LPAR1: variants seen among roughly 807,000 people sequenced by gnomAD.
LPAR1 encodes the protein lysophosphatidic acid receptor 1.
Under a neutral mutation model 23.8 loss-of-function variants are expected in LPAR1, and 5 were observed. The observed-to-expected ratio is 0.21, with a 90% CI of 0.11 to 0.44. LPAR1 has a LOEUF of 0.44. Ranked by LOEUF, LPAR1 falls within the 20% of genes least tolerant of loss-of-function variation. The pLI is 0.99. For missense variants in LPAR1, 311 were observed against 482.8 expected, an observed-to-expected ratio of 0.64 and a Z score of 3.33; for synonymous variants, 160 against 164.7, an observed-to-expected ratio of 0.97 and a Z score of 0.22.
intron 2 of LPAR1, among the ~76,000 whole-genome samples, chr9:110,976,858 A>G (rs1017898134): frequency 3.9e-5 from 6 of 152,066 alleles, no homozygotes; most frequent in Non-Finnish European, 8.8e-5. Context: ...CCATTCCTTT[A>G]CAATCACTGG....
intron 4 of LPAR1, among the ~76,000 whole-genome samples, chr9:110,946,639 T>G (rs1430611575): frequency 6.6e-6 from 1 of 152,010 alleles, no homozygotes; most frequent in Non-Finnish European, 1.5e-5. Flanking sequence ...GTAGAGAAAG[T>G]GTATATAGTA....
At chr9:110,950,824 A>C (rs2095546472) in intron 4 of LPAR1, among the ~76,000 whole-genome samples, 1 of 152,200 alleles carries the variant, frequency 6.6e-6, no homozygotes, top group Admixed American at 6.5e-5. Context: ...TCAATATATA[A>C]ATTTAACATG....
chr9:110,908,143 T>G (rs1394607096), intron 5 of LPAR1, among the ~76,000 whole-genome samples: 1 of 151,900 alleles, frequency 6.6e-6, no homozygotes, highest in East Asian at 1.9e-4. Flanking sequence ...TATGCATATT[T>G]TAGGAACATT....
At position 110,990,404 on chromosome 9, in the gene LPAR1, G is replaced by C. The variant is rs138935471; in HGVS notation, c.-181-16846C>G. Among the ~76,000 whole-genome samples, 32 of 152,148 alleles carry C rather than the reference G, an allele frequency of 2.1e-4. No individual in the cohort carries two copies. In the East Asian group the frequency reaches 6.0e-3, roughly 28 times the overall value. On this transcript the variant is annotated intron_variant, in intron 2 of 5. Transcript: ENST00000683809. ...TTGAGTCATAAAAAGTCTGTTCTCT[G>C]ACCACACTTAAATTATCAATAACAG...
intron 2 of LPAR1, among the ~76,000 whole-genome samples, chr9:110,995,752 T>C (rs974353141): frequency 3.3e-5 from 5 of 152,122 alleles, no homozygotes; most frequent in Non-Finnish European, 7.3e-5. Context: ...AATCAGGAAG[T>C]GAAGCAAAGG....
chr9:110,957,499 T>C (rs1241382253), intron 4 of LPAR1, among the ~76,000 whole-genome samples: 2 of 152,008 alleles, frequency 1.3e-5, no homozygotes, highest in African/African-American at 2.4e-5. Context: ...CATATGACCA[T>C]CTCAATAGAT....
At chr9:110,995,574 G>C (rs1350171625) in intron 2 of LPAR1, among the ~76,000 whole-genome samples, 1 of 152,130 alleles carries the variant, frequency 6.6e-6, no homozygotes, top group Admixed American at 6.6e-5. Flanking sequence ...TATTGTACTA[G>C]AGGATGAATT....
intron 3 of LPAR1, among the ~76,000 whole-genome samples, chr9:110,972,966 A>G (rs570861774): frequency 2.6e-5 from 4 of 152,174 alleles, no homozygotes; most frequent in African/African-American, 9.6e-5. Flanking sequence ...AAAAAGAAAA[A>G]GAAAAAGAAA....
At chr9:110,927,411 T>C (rs552756800) in intron 5 of LPAR1, among the ~76,000 whole-genome samples, 1 of 152,126 alleles carries the variant, frequency 6.6e-6, no homozygotes, top group Non-Finnish European at 1.5e-5. Context: ...TTCAGAGAGA[T>C]TAAGATTCTT....
At chr9:110,939,213 C>T (rs1001059511) in intron 5 of LPAR1, among the ~76,000 whole-genome samples, 3 of 152,186 alleles carry the variant, frequency 2.0e-5, no homozygotes, top group African/African-American at 7.2e-5. Context: ...TTAGGCACCA[C>T]GCCTTGAAAA....
rs141887263 is a variant in LPAR1 at position 111,007,205 on chromosome 9, G to A, written c.-182+28917C>T. On this transcript the variant is annotated intron_variant, in intron 2 of 5. Coordinates refer to ENST00000683809, the MANE Select transcript of LPAR1 (RefSeq NM_001351411.2). ...CAGCACCATGCTTCCTGTAGAGCCCGCAGAATTGTGAGCCAATTAAATTTC... is the reference window on the plus strand; with the variant it reads ...CAGCACCATGCTTCCTGTAGAGCCCACAGAATTGTGAGCCAATTAAATTTC... Among the ~76,000 whole-genome samples, 169 of 152,134 alleles carry A rather than the reference G, an allele frequency of 1.1e-3. 5 individuals are homozygous for A. The East Asian group carries it at 0.028, about 25-fold the overall frequency.
Position 111,038,257 on chromosome 9 carries a change from C to G in LPAR1, c.-352G>C, listed in dbSNP as rs2097935725. The G allele has an allele frequency of 6.7e-6, 1 of 148,332 alleles. No homozygotes were observed. Among genetic ancestry groups the G allele is most frequent in the African/African-American group, 2.4e-5 (1 of 41,040 alleles). The allele number at this position is 148,332 out of a possible 1,614,324, so 9.2% of individuals were successfully genotyped here. ...AGTCCCGGCGGCCCCCGCCCCACCG[C>G]CAGCCGAGCCCGGCCCTCCGCCCGC... On this transcript the variant is annotated 5_prime_UTR_variant, in exon 1 of 6. Transcript: ENST00000683809. This position sits in a 1 kb window ranked among gnomAD's most constrained non-coding sequence, Gnocchi z 4.4.
chr9:110,897,850 T>C (rs2086991157), intron 5 of LPAR1, among the ~76,000 whole-genome samples: 1 of 152,140 alleles, frequency 6.6e-6, no homozygotes, highest in African/African-American at 2.4e-5. Flanking sequence ...ACTACTGTTG[T>C]CAAGGATCAT....
chr9:111,007,406 T>G (rs1260003772), intron 2 of LPAR1, among the ~76,000 whole-genome samples: 1 of 152,156 alleles, frequency 6.6e-6, no homozygotes, highest in East Asian at 1.9e-4. Flanking sequence ...GAAAATTATA[T>G]GTATTAAATA....
chr9:110,899,418 G>C (rs904964486), intron 5 of LPAR1, among the ~76,000 whole-genome samples: 2 of 152,190 alleles, frequency 1.3e-5, no homozygotes, highest in Non-Finnish European at 2.9e-5. Flanking sequence ...AATGTAGTCA[G>C]TGTCTTTGGG....
intron 2 of LPAR1, among the ~76,000 whole-genome samples, chr9:110,976,317 C>T (rs1338293121): frequency 1.4e-5 from 2 of 147,188 alleles, no homozygotes; most frequent in Non-Finnish European, 3.0e-5. Context: ...ATGGTGAAAC[C>T]CCGTGTCTAC....
intron 5 of LPAR1, among the ~76,000 whole-genome samples, chr9:110,878,344 G>T (rs767973676): frequency 6.6e-6 from 1 of 152,136 alleles, no homozygotes; most frequent in Non-Finnish European, 1.5e-5. Flanking sequence ...ATGCACTACA[G>T]AAGACGAAAA....
chr9:111,034,350 G>A (rs1377239697), intron 2 of LPAR1, among the ~76,000 whole-genome samples: 2 of 152,182 alleles, frequency 1.3e-5, no homozygotes, highest in African/African-American at 2.4e-5. Context: ...GCTGCCAGAA[G>A]AGTCATGTTT....
At chr9:110,977,846 G>GGGAAGGAAGGAAGGAAGGAA (rs1196226719) in intron 2 of LPAR1, among the ~76,000 whole-genome samples, 6 of 75,234 alleles carry the variant, frequency 8.0e-5, no homozygotes, top group East Asian at 4.7e-4. Flanking sequence ...GAAGGAAGGA[G>GGGAAGGAAGGAAGGAAGGAA]GGAAGGAAGG....
Sources: gnomAD v4.1 joint callset for allele counts (sites outside exome capture counted in the v4.1 genomes callset) on GRCh38, gnomAD v4.1.1 for gene constraint, Gnocchi (gnomAD v3.1) non-coding constraint, MANE v1.5 for transcripts, NCBI Gene and HGNC (gene_info 2026-07-23, HGNC 2026-07-21) for gene names.